The following ITGB8 variants were observed in gnomAD, a reference collection of about 807,000 sequenced individuals.
ITGB8 encodes the protein integrin subunit beta 8.
A neutral mutation model predicts 89.5 loss-of-function variants in ITGB8; 30 were observed. That is an observed-to-expected ratio of 0.34 (90% CI 0.25 to 0.45). ITGB8 has a LOEUF of 0.45. Among genes scored for constraint, ITGB8 ranks in the 20% least tolerant of loss-of-function variants. The pLI, the probability that ITGB8 is intolerant of heterozygous loss-of-function variation, is 1.00. For synonymous variants in ITGB8, 335 were observed against 320.4 expected (o/e 1.05, Z -0.49); for missense variants, 836 against 933.3 (o/e 0.90, Z 1.36).
chr7:20,335,115 A>G (rs1055054960), intron 1 of ITGB8, among the ~76,000 whole-genome samples: 3 of 152,198 alleles, frequency 2.0e-5, no homozygotes, highest in Non-Finnish European at 2.9e-5. Flanking sequence ...AATATTTTGA[A>G]AGAAATTTTT....
At chr7:20,370,826 C>A (rs973461739) in intron 3 of ITGB8, among the ~76,000 whole-genome samples, 2 of 152,028 alleles carry the variant, frequency 1.3e-5, no homozygotes, top group African/African-American at 4.8e-5. Context: ...GTTGGCCAGA[C>A]TGGTCTCGAA....
intron 1 of ITGB8, among the ~76,000 whole-genome samples, chr7:20,350,923 T>C (rs1469469508): frequency 6.6e-6 from 1 of 152,228 alleles, no homozygotes; most frequent in African/African-American, 2.4e-5. Context: ...TGCCAGCCAG[T>C]CTGCTTTATG....
At chr7:20,405,508 C>T (rs1015773230) in intron 11 of ITGB8, among the ~76,000 whole-genome samples, 18 of 149,690 alleles carry the variant, frequency 1.2e-4, no homozygotes, top group Non-Finnish European at 1.5e-4. Context: ...TTAGTAGAGA[C>T]GGGGTTTCAC....
chr7:20,387,005 G>T (rs1786653610), intron 6 of ITGB8, among the ~76,000 whole-genome samples: 1 of 152,146 alleles, frequency 6.6e-6, no homozygotes, highest in African/African-American at 2.4e-5. Flanking sequence ...GCAGGGCCAG[G>T]TAAGAAAGAT....
intron 9 of ITGB8, among the ~76,000 whole-genome samples, chr7:20,400,745 A>G (rs1787275784): frequency 1.3e-5 from 2 of 152,202 alleles, no homozygotes; most frequent in African/African-American, 4.8e-5. Context: ...GTTCTGGGCT[A>G]TCTTCTTCCA....
At chr7:20,367,507 T>A (rs1226721656) in intron 3 of ITGB8, among the ~76,000 whole-genome samples, 1 of 152,212 alleles carries the variant, frequency 6.6e-6, no homozygotes, top group Non-Finnish European at 1.5e-5. Context: ...ACTCTCTTTT[T>A]CCAATGCCTA....
At chr7:20,354,291 A>AAAAC (rs1281483154) in intron 1 of ITGB8, among the ~76,000 whole-genome samples, 1 of 152,200 alleles carries the variant, frequency 6.6e-6, no homozygotes, top group Admixed American at 6.5e-5. Context: ...TTTCCAAGGA[A>AAAAC]AAACAAACAA....
chr7:20,373,331 A>G (rs12700184), intron 3 of ITGB8, among the ~76,000 whole-genome samples: 40,364 of 152,062 alleles, frequency 0.27, 5,942 homozygotes, highest in Non-Finnish European at 0.32. Context: ...TAGACTATTG[A>G]TCCTAGTTGA....
At chr7:20,406,425 C>A (rs1217190369) in intron 12 of ITGB8, among the ~76,000 whole-genome samples, 2 of 151,996 alleles carry the variant, frequency 1.3e-5, no homozygotes, top group Admixed American at 6.5e-5. Context: ...TGGCGGGCAC[C>A]TGTAGTCCCA....
In ITGB8 at chr7:20,353,697, G is replaced by A. The variant is rs899482018; in HGVS notation, c.128-9940G>A. ...GCCTGTAATCCCAGCACTTTGGGAG[G>A]CCGAGGCGGGCGGATCACGAGGTCA... On this transcript the variant is annotated intron_variant, in intron 1 of 13. Coordinates refer to ENST00000222573, the MANE Select transcript of ITGB8 (RefSeq NM_002214.3). Among the ~76,000 whole-genome samples the A allele has an allele frequency of 5.4e-5, 8 of 147,346 alleles. No homozygotes were observed. The East Asian group carries it at 5.8e-4, about 11-fold the overall frequency.
At chr7:20,361,804 C>T (rs550805894) in intron 1 of ITGB8, among the ~76,000 whole-genome samples, 15 of 152,228 alleles carry the variant, frequency 9.9e-5, no homozygotes, top group South Asian at 2.1e-4. Flanking sequence ...AATTTTTAGG[C>T]TAAGGAATTT....
intron 1 of ITGB8, among the ~76,000 whole-genome samples, chr7:20,337,148 A>G (rs78620990): frequency 0.041 from 6,232 of 152,246 alleles, 199 homozygotes; most frequent in Non-Finnish European, 0.063. Flanking sequence ...AATGATTTCT[A>G]TTGTTGATAA....
chr7:20,404,924 A>C (rs1247670513), intron 11 of ITGB8, 71 bp downstream of exon 11: 6 of 1,315,036 alleles, frequency 4.6e-6, no homozygotes, highest in Non-Finnish European at 5.5e-6. Flanking sequence ...TGACTTCCTT[A>C]ATCTTAAACG....
intron 10 of ITGB8, 65 bp from the exon 11 acceptor site, chr7:20,404,563 G>T: frequency 2.9e-6 from 4 of 1,363,280 alleles, no homozygotes; most frequent in Non-Finnish European, 4.1e-6. Context: ...AGGAATCCAT[G>T]GTTGAAAACT....
In ITGB8 at chr7:20,367,040, A is replaced by T; in HGVS notation, c.242A>T (p.Glu81Val). The T allele has an allele frequency of 6.2e-7, 1 of 1,611,696 alleles. No homozygotes were observed. Among genetic ancestry groups the T allele is most frequent in the Non-Finnish European group, 8.5e-7 (1 of 1,179,230 alleles). ...TTCATTTCAGGTGGATCAAGAAGTG[A>T]ACGTTGTGATATTGTTTCCAATTTA... ...EDFISGGSRS[E>V]RCDIVSNLIS... Residue 81 changes from glutamate (E) to valine (V), a missense_variant, in exon 3 of 14, where the codon GAA becomes GTA. Glu to Val is a moderately radical substitution (Grantham distance 121). Transcript: ENST00000222573.
intron 12 of ITGB8, among the ~76,000 whole-genome samples, chr7:20,409,198 G>A (rs1259103587): frequency 2.0e-5 from 3 of 152,178 alleles, no homozygotes; most frequent in Admixed American, 2.0e-4. Flanking sequence ...CTAAGGCCCA[G>A]AACTGCTCAA....
At chr7:20,358,630 T>C (rs1248297667) in intron 1 of ITGB8, among the ~76,000 whole-genome samples, 1 of 152,140 alleles carries the variant, frequency 6.6e-6, no homozygotes, top group African/African-American at 2.4e-5. Context: ...CTCGAACTCC[T>C]GAACTCAGGT....
At chr7:20,377,989 A>T (rs1786222927) in intron 3 of ITGB8, among the ~76,000 whole-genome samples, 2 of 152,252 alleles carry the variant, frequency 1.3e-5, no homozygotes, top group African/African-American at 4.8e-5. Flanking sequence ...GTTTATTTTA[A>T]AAATGTTTTC....
chr7:20,345,204 T>TTATTG (rs1784882825), intron 1 of ITGB8, among the ~76,000 whole-genome samples: 2 of 152,168 alleles, frequency 1.3e-5, no homozygotes, highest in African/African-American at 4.8e-5. Context: ...TATAACTTTC[T>TTATTG]AGGAGGATAT....
Sources: allele counts gnomAD v4.1 joint callset (sites outside exome capture counted in the v4.1 genomes callset), GRCh38; gene constraint gnomAD v4.1.1; transcripts MANE v1.5; gene names NCBI Gene and HGNC (gene_info 2026-07-23, HGNC 2026-07-21).